RBFOX2: variants seen among roughly 807,000 people sequenced by gnomAD.
RBFOX2 encodes RNA binding protein fox-1 homolog 2.
In RBFOX2, 10 loss-of-function variants were observed where a neutral mutation model predicts 49.1. That is an observed-to-expected ratio of 0.20 (90% CI 0.13 to 0.35). The LOEUF (loss-of-function observed/expected upper bound fraction) is 0.35, where lower values mean the gene tolerates loss of function less well. Ranked by LOEUF, RBFOX2 falls within the 10% of genes least tolerant of loss-of-function variation. The pLI is 1.00. For synonymous variants in RBFOX2, 183 were observed against 187.4 expected (o/e 0.98, Z 0.19); for missense variants, 323 against 486.9 (o/e 0.66, Z 3.17).
chr22:35,785,917 A>G (rs1041530647), intron 2 of RBFOX2, among the ~76,000 whole-genome samples: 3 of 152,226 alleles, frequency 2.0e-5, no homozygotes, highest in Non-Finnish European at 2.9e-5. Context: ...ACAAGCATCA[A>G]TTACAACTAA....
intron 9 of RBFOX2, among the ~76,000 whole-genome samples, chr22:35,758,750 T>C (rs1298501864): frequency 2.0e-5 from 3 of 152,208 alleles, no homozygotes; most frequent in African/African-American, 4.8e-5. Flanking sequence ...CACTTCAACA[T>C]ACCTTGTCTA....
chr22:35,982,232 T>C (rs1331780733), intron 1 of RBFOX2, among the ~76,000 whole-genome samples: 1 of 152,120 alleles, frequency 6.6e-6, no homozygotes, highest in Non-Finnish European at 1.5e-5. Flanking sequence ...AGAGTCCTAA[T>C]TCCCCCACCC....
chr22:35,824,098 G>A (rs895553930), intron 1 of RBFOX2, among the ~76,000 whole-genome samples: 5 of 151,880 alleles, frequency 3.3e-5, no homozygotes, highest in African/African-American at 4.8e-5. Flanking sequence ...ACAGTGAGCC[G>A]AGATCGCGCT....
intron 1 of RBFOX2, among the ~76,000 whole-genome samples, chr22:35,850,212 A>ACACACG (rs2041772393): frequency 6.6e-6 from 1 of 151,140 alleles, no homozygotes; most frequent in African/African-American, 2.4e-5. Flanking sequence ...ACACACACAC[A>ACACACG]CACACACACA....
chr22:36,024,752 A>G (rs1181943236), intron 1 of RBFOX2, among the ~76,000 whole-genome samples: 2 of 152,100 alleles, frequency 1.3e-5, no homozygotes, highest in Non-Finnish European at 2.9e-5. Flanking sequence ...AAAAAAGAAA[A>G]AAAAGACGTG....
chr22:35,913,443 C>T (rs2050048662), intron 1 of RBFOX2, among the ~76,000 whole-genome samples: 1 of 150,832 alleles, frequency 6.6e-6, no homozygotes, highest in African/African-American at 2.4e-5. Context: ...TTTAAGGGAG[C>T]GCCTAACAGG....
chr22:35,894,148 G>A (rs1048991054), intron 1 of RBFOX2, among the ~76,000 whole-genome samples: 5 of 151,992 alleles, frequency 3.3e-5, no homozygotes, highest in East Asian at 1.9e-4. Flanking sequence ...TACTATTGAC[G>A]GTAAATTACA....
At chr22:35,935,619 C>T (rs1488194574) in intron 1 of RBFOX2, among the ~76,000 whole-genome samples, 1 of 152,168 alleles carries the variant, frequency 6.6e-6, no homozygotes. Flanking sequence ...GAGTCACAGA[C>T]TTCTACATCT....
At chr22:35,740,898 T>C (rs5750173) in exon 12 of RBFOX2, 36,037 of 152,154 alleles carry the variant, frequency 0.24, 6,696 homozygotes, top group African/African-American at 0.52. Flanking sequence ...AAGAGCAGTT[T>C]AGCCCCTGAG....
chr22:35,824,427 C>G (rs1310170740), intron 1 of RBFOX2: 3 of 152,204 alleles, frequency 2.0e-5, no homozygotes, highest in Non-Finnish European at 4.4e-5. Flanking sequence ...CCCCACTGAT[C>G]TCTAGCAAAT....
intron 2 of RBFOX2, among the ~76,000 whole-genome samples, chr22:35,785,164 A>C (rs1176183612): frequency 6.6e-6 from 1 of 152,076 alleles, no homozygotes; most frequent in East Asian, 1.9e-4. Context: ...CACCCGGCTG[A>C]ATATGCATTT....
intron 1 of RBFOX2, among the ~76,000 whole-genome samples, chr22:36,003,528 TAGGAAAAGAA>T (rs2058508244): frequency 6.6e-6 from 1 of 152,196 alleles, no homozygotes. Context: ...TGGGTACCTC[TAGGAAAAGAA>T]CAGATATTGG....
At chr22:35,938,818 C>A in intron 1 of RBFOX2, 29 bp downstream of exon 2, 1 of 1,596,372 alleles carries the variant, frequency 6.3e-7, no homozygotes, top group Non-Finnish European at 8.6e-7. Context: ...ACACATACAT[C>A]ATCTGAGTTA....
At chr22:35,893,589 A>G (rs1354528568) in intron 1 of RBFOX2, among the ~76,000 whole-genome samples, 1 of 152,226 alleles carries the variant, frequency 6.6e-6, no homozygotes, top group Non-Finnish European at 1.5e-5. Flanking sequence ...CTTAATGCAC[A>G]TTAGTGTGTC....
intron 1 of RBFOX2, among the ~76,000 whole-genome samples, chr22:36,011,588 A>G (rs2058825018): frequency 6.6e-6 from 1 of 152,224 alleles, no homozygotes; most frequent in South Asian, 2.1e-4. Flanking sequence ...AGTTTTTAAA[A>G]GAAATATTAC....
chr22:35,996,226 C>G (rs1161883693), intron 1 of RBFOX2: 1 of 152,128 alleles, frequency 6.6e-6, no homozygotes, highest in African/African-American at 2.4e-5. Flanking sequence ...ATTATCCAAT[C>G]TACTATGGGG....
chr22:35,964,189 C>T (rs939129711), upstream of RBFOX2, among the ~76,000 whole-genome samples: 3 of 152,120 alleles, frequency 2.0e-5, no homozygotes, highest in Non-Finnish European at 4.4e-5. Context: ...AAAGCCTGTG[C>T]ATTTTTCCAC....
chr22:35,836,231 A>C (rs2148765154), intron 1 of RBFOX2: 1 of 152,398 alleles, frequency 6.6e-6, no homozygotes, highest in South Asian at 2.1e-4. Flanking sequence ...GCTTAGCAAA[A>C]TCACAGAATA....
At chr22:35,779,473 A>C (rs1464162218) in intron 3 of RBFOX2, among the ~76,000 whole-genome samples, 2 of 152,234 alleles carry the variant, frequency 1.3e-5, no homozygotes, top group Non-Finnish European at 2.9e-5. Context: ...TTTCTACAGT[A>C]AGACATCTTG....
Sources: gnomAD v4.1 joint callset for allele counts (sites outside exome capture counted in the v4.1 genomes callset) on GRCh38, gnomAD v4.1.1 for gene constraint, MANE v1.5 for transcripts, NCBI Gene and HGNC (gene_info 2026-07-23, HGNC 2026-07-21) for gene names.